Variants in CBFA2T2 observed in about 807,000 individuals in gnomAD.
CBFA2T2 encodes the protein CBFA2/RUNX1 partner transcriptional co-repressor 2, also known as protein CBFA2T2.
CBFA2T2 carries 11 observed loss-of-function variants against 62.2 expected under a neutral mutation model. The observed-to-expected ratio is 0.18, with a 90% CI of 0.11 to 0.29. CBFA2T2 has a LOEUF of 0.29. CBFA2T2 is among the 10% of genes least tolerant of loss of function. CBFA2T2 has a pLI of 1.00. For synonymous variants in CBFA2T2, 295 were observed against 287.5 expected (o/e 1.03, Z -0.27); for missense variants, 592 against 774.1 (o/e 0.76, Z 2.79).
chr20:33,529,500 C>T (rs773362832), intron 1 of CBFA2T2, among the ~76,000 whole-genome samples: 78 of 151,522 alleles, frequency 5.1e-4, no homozygotes, highest in Non-Finnish European at 9.7e-4. Flanking sequence ...CATGGTGGCT[C>T]GCGCCTGTAA....
chr20:33,616,067 C>G (rs1458867967), intron 3 of CBFA2T2, among the ~76,000 whole-genome samples: 1 of 144,322 alleles, frequency 6.9e-6, no homozygotes, highest in Non-Finnish European at 1.5e-5. Flanking sequence ...CAAAGCAATA[C>G]TCTGTAGATA....
At chr20:33,548,405 G>A (rs1286521889) in intron 1 of CBFA2T2, among the ~76,000 whole-genome samples, 1 of 151,584 alleles carries the variant, frequency 6.6e-6, no homozygotes, top group Non-Finnish European at 1.5e-5. Context: ...CACCGCACCT[G>A]GCTAATTTTT....
intron 1 of CBFA2T2, among the ~76,000 whole-genome samples, chr20:33,509,242 C>T (rs944729735): frequency 6.6e-6 from 1 of 151,950 alleles, no homozygotes. Flanking sequence ...TGGCACACAC[C>T]TGTAGTCCTA....
At chr20:33,501,578 T>C (rs1322083689) in intron 1 of CBFA2T2, among the ~76,000 whole-genome samples, 1 of 149,492 alleles carries the variant, frequency 6.7e-6, no homozygotes, top group African/African-American at 2.4e-5. Context: ...CCATTAATTT[T>C]CCCTTGATAA....
intron 1 of CBFA2T2, among the ~76,000 whole-genome samples, chr20:33,545,300 G>C (rs941821451): frequency 6.6e-6 from 1 of 152,106 alleles, no homozygotes; most frequent in African/African-American, 2.4e-5. Context: ...AATGCCACTA[G>C]ATAATTTTTG....
chr20:33,622,177 G>A (rs2016018269), intron 4 of CBFA2T2, among the ~76,000 whole-genome samples: 1 of 152,028 alleles, frequency 6.6e-6, no homozygotes, highest in Non-Finnish European at 1.5e-5. Flanking sequence ...CTGTTATTTT[G>A]GAAAACAGCA....
intron 1 of CBFA2T2, among the ~76,000 whole-genome samples, chr20:33,589,212 T>G (rs1017280501): frequency 2.6e-5 from 4 of 152,220 alleles, no homozygotes; most frequent in African/African-American, 9.6e-5. Context: ...GCCTCTGGCA[T>G]GGAGCTTCAG....
intron 1 of CBFA2T2, among the ~76,000 whole-genome samples, chr20:33,572,422 A>C (rs1269984915): frequency 1.3e-4 from 20 of 152,250 alleles, no homozygotes; most frequent in Non-Finnish European, 1.5e-5. Flanking sequence ...TATTAACAGA[A>C]TTATTTGAAT....
chr20:33,528,728 C>T (rs908677981), intron 1 of CBFA2T2, among the ~76,000 whole-genome samples: 7 of 151,804 alleles, frequency 4.6e-5, no homozygotes, highest in East Asian at 1.9e-4. Flanking sequence ...GGTGTAGTGA[C>T]GGGATCTCAC....
chr20:33,644,765 G>T lies in CBFA2T2; in HGVS notation c.*119G>T. On this transcript the variant is annotated 3_prime_UTR_variant, in exon 11 of 11. Coordinates refer to ENST00000342704, the MANE Select transcript of CBFA2T2 (RefSeq NM_001032999.3). ...GTCATCAGCAAGAAATGAATTGGAG[G>T]CAGGAAGAGTCCAAGCCTGAATAAT... 4 of 1,088,980 alleles carry T rather than the reference G, an allele frequency of 3.7e-6. No homozygotes were observed. The highest frequency in any genetic ancestry group is 5.3e-6 in the Non-Finnish European group (4 of 757,856). The allele number at this position is 1,088,980 out of a possible 1,614,324, so 67.5% of individuals were successfully genotyped here.
intron 4 of CBFA2T2, 131 bp from the exon 5 acceptor site, chr20:33,622,984 G>A (rs2016050956): frequency 1.3e-6 from 1 of 755,102 alleles, no homozygotes; most frequent in South Asian, 1.8e-5. Flanking sequence ...CACAGAAGAA[G>A]CATTTGAAAA....
chr20:33,549,283 A>T (rs1226503472), intron 1 of CBFA2T2, among the ~76,000 whole-genome samples: 1 of 152,192 alleles, frequency 6.6e-6, no homozygotes, highest in Non-Finnish European at 1.5e-5. Context: ...TTTATAAAAA[A>T]AAAAAATCAA....
intron 1 of CBFA2T2, among the ~76,000 whole-genome samples, chr20:33,574,462 C>T (rs948709038): frequency 6.6e-6 from 1 of 152,114 alleles, no homozygotes; most frequent in African/African-American, 2.4e-5. Flanking sequence ...CCCGTCTCTA[C>T]TAAAAATACA....
intron 1 of CBFA2T2, among the ~76,000 whole-genome samples, chr20:33,549,709 A>C (rs933411562): frequency 6.6e-6 from 1 of 152,148 alleles, no homozygotes; most frequent in African/African-American, 2.4e-5. Flanking sequence ...AAAATAGGCA[A>C]ATTTTATGGT....
At chr20:33,577,717 G>C (rs565319762) in intron 1 of CBFA2T2, among the ~76,000 whole-genome samples, 4 of 152,118 alleles carry the variant, frequency 2.6e-5, no homozygotes, top group Non-Finnish European at 5.9e-5. Context: ...TATGGTCTCT[G>C]GAGCTCAGCA....
intron 1 of CBFA2T2, among the ~76,000 whole-genome samples, chr20:33,503,944 A>G (rs1451748992): frequency 6.6e-6 from 1 of 152,030 alleles, no homozygotes; most frequent in Non-Finnish European, 1.5e-5. Flanking sequence ...AGTTGTAATC[A>G]TCAAACCAGA....
intron 1 of CBFA2T2, among the ~76,000 whole-genome samples, chr20:33,540,742 G>C (rs181799878): frequency 6.6e-6 from 1 of 152,136 alleles, no homozygotes; most frequent in African/African-American, 2.4e-5. Context: ...AGTAAAAGCC[G>C]TAGTAATCAT....
At chr20:33,643,857 GTGTA>G (rs1462416737) in intron 10 of CBFA2T2, among the ~76,000 whole-genome samples, 5 of 112,716 alleles carry the variant, frequency 4.4e-5, no homozygotes, top group African/African-American at 1.4e-4. Context: ...GTGTGTGTGT[GTGTA>G]TATAATGTAT....
intron 3 of CBFA2T2, among the ~76,000 whole-genome samples, chr20:33,612,893 C>T (rs948417740): frequency 1.3e-5 from 2 of 152,114 alleles, no homozygotes; most frequent in African/African-American, 4.8e-5. Flanking sequence ...CAAGACCAGC[C>T]TGGGTACATA....
Sources: allele counts gnomAD v4.1 joint callset (sites outside exome capture counted in the v4.1 genomes callset), GRCh38; gene constraint gnomAD v4.1.1; transcripts MANE v1.5; gene names NCBI Gene and HGNC (gene_info 2026-07-23, HGNC 2026-07-21).